Variants in TBCA observed in about 807,000 individuals in gnomAD.
TBCA encodes the protein tubulin-specific chaperone A.
Under a neutral mutation model 15.8 loss-of-function variants are expected in TBCA, and 6 were observed. The ratio of observed to expected loss-of-function variants is 0.38; its 90% CI spans 0.21 to 0.75. The LOEUF (loss-of-function observed/expected upper bound fraction) is 0.75, where lower values mean the gene tolerates loss of function less well. TBCA is among the 30% of genes least tolerant of loss of function. TBCA has a pLI of 0.46. For missense variants in TBCA, 90 were observed against 131.2 expected, an observed-to-expected ratio of 0.69 and a Z score of 1.53; for synonymous variants, 32 against 42.3, an observed-to-expected ratio of 0.76 and a Z score of 0.94.
At chr5:77,763,113 G>A (rs1381767383) in intron 1 of TBCA, among the ~76,000 whole-genome samples, 2 of 152,170 alleles carry the variant, frequency 1.3e-5, no homozygotes, top group African/African-American at 4.8e-5. Flanking sequence ...GCGTGATGGC[G>A]GGCGCCTGTA....
At position 77,719,792 on chromosome 5, in the gene TBCA, TGTCCCTTAAAAG is replaced by T. The variant is rs1746487285; in HGVS notation, c.54-11457_54-11446del. Reference sequence around the variant, plus strand: ...TCATTATTTCACGAATCCTCTAACCTGTCCCTTAAAAGGTCCCTCAAAGGTCCTGAGATGTCA... The same window carrying T: ...TCATTATTTCACGAATCCTCTAACCTGTCCCTCAAAGGTCCTGAGATGTCA... On this transcript the variant is annotated intron_variant, in intron 1 of 3. Transcript: ENST00000380377. Among the ~76,000 whole-genome samples, 3 of 152,282 alleles carry T rather than the reference TGTCCCTTAAAAG, an allele frequency of 2.0e-5. No homozygotes were observed. In the South Asian group the frequency reaches 6.2e-4, roughly 32 times the overall value.
At chr5:77,755,621 A>G (rs1257630358) in intron 1 of TBCA, among the ~76,000 whole-genome samples, 1 of 152,136 alleles carries the variant, frequency 6.6e-6, no homozygotes, top group African/African-American at 2.4e-5. Flanking sequence ...AATGTGCACA[A>G]GAACAGACCT....
At chr5:77,733,102 G>A (rs183678834) in intron 1 of TBCA, among the ~76,000 whole-genome samples, 82 of 152,280 alleles carry the variant, frequency 5.4e-4, no homozygotes, top group African/African-American at 1.8e-3. Flanking sequence ...CCAACATGGC[G>A]AAACCCCGTC....
intron 2 of TBCA, 68 bp downstream of exon 2, chr5:77,708,174 T>C: frequency 9.1e-7 from 1 of 1,101,758 alleles, no homozygotes; most frequent in Non-Finnish European, 1.3e-6. Flanking sequence ...AGGACTACTG[T>C]AAAAACTACA....
At chr5:77,730,777 G>T (rs17787496) in intron 1 of TBCA, among the ~76,000 whole-genome samples, 2,288 of 152,048 alleles carry the variant, frequency 0.015, 18 homozygotes, top group Non-Finnish European at 0.024. Context: ...CAAGCAGTGG[G>T]CAACTAACAA....
chr5:77,732,099 G>T (rs924135245), intron 1 of TBCA, among the ~76,000 whole-genome samples: 10 of 152,100 alleles, frequency 6.6e-5, no homozygotes, highest in African/African-American at 2.4e-4. Context: ...GGGTATGTTT[G>T]ATGTCATTAT....
At chr5:77,763,597 G>C (rs1242214501) in intron 1 of TBCA, among the ~76,000 whole-genome samples, 1 of 152,124 alleles carries the variant, frequency 6.6e-6, no homozygotes, top group Non-Finnish European at 1.5e-5. Flanking sequence ...TCATGAATGA[G>C]ATTAGTGCCC....
At chr5:77,743,883 A>T (rs1747107462) in intron 1 of TBCA, among the ~76,000 whole-genome samples, 1 of 152,194 alleles carries the variant, frequency 6.6e-6, no homozygotes, top group Non-Finnish European at 1.5e-5. Context: ...GGTAAATAAG[A>T]CAGATGTGGT....
At chr5:77,728,885 G>C (rs1171202132) in intron 1 of TBCA, among the ~76,000 whole-genome samples, 3 of 151,990 alleles carry the variant, frequency 2.0e-5, no homozygotes, top group African/African-American at 7.3e-5. Flanking sequence ...TTGTAGCCAA[G>C]TTTCTAGTTC....
chr5:77,773,172 G>A (rs1561287876), intron 1 of TBCA, among the ~76,000 whole-genome samples: 2 of 152,146 alleles, frequency 1.3e-5, no homozygotes, highest in Non-Finnish European at 2.9e-5. Context: ...CTGAGGGACA[G>A]GATGGATTAT....
intron 1 of TBCA, among the ~76,000 whole-genome samples, chr5:77,771,809 A>C (rs561868569): frequency 6.6e-6 from 1 of 152,224 alleles, no homozygotes; most frequent in Non-Finnish European, 1.5e-5. Flanking sequence ...CACCAGGTCT[A>C]ATCAGAAACT....
intron 1 of TBCA, among the ~76,000 whole-genome samples, chr5:77,723,495 G>A (rs1325590287): frequency 1.3e-5 from 2 of 151,862 alleles, no homozygotes; most frequent in African/African-American, 4.8e-5. Context: ...TTTTATTATG[G>A]TAGAACAGAC....
intron 1 of TBCA, among the ~76,000 whole-genome samples, chr5:77,739,116 T>C (rs1263903383): frequency 6.6e-6 from 1 of 152,214 alleles, no homozygotes; most frequent in Non-Finnish European, 1.5e-5. Flanking sequence ...TAGTGTAGTG[T>C]GTCATGATGC....
chr5:77,724,491 C>T (rs746439627), intron 1 of TBCA, among the ~76,000 whole-genome samples: 2 of 152,010 alleles, frequency 1.3e-5, no homozygotes, highest in Non-Finnish European at 1.5e-5. Flanking sequence ...ACTTAAAAAA[C>T]AACATGTCAG....
chr5:77,753,526 AT>A (rs1274105875), intron 1 of TBCA, among the ~76,000 whole-genome samples: 1 of 152,240 alleles, frequency 6.6e-6, no homozygotes, highest in African/African-American at 2.4e-5. Context: ...CCAGGCCTTC[AT>A]AAAAGAGAGA....
chr5:77,760,704 G>A (rs1196193086), intron 1 of TBCA, among the ~76,000 whole-genome samples: 1 of 152,194 alleles, frequency 6.6e-6, no homozygotes, highest in Non-Finnish European at 1.5e-5. Flanking sequence ...ATTGCAGACG[G>A]AGTCTCGCTC....
intron 1 of TBCA, among the ~76,000 whole-genome samples, chr5:77,711,821 A>G (rs1184491072): frequency 6.6e-6 from 1 of 152,216 alleles, no homozygotes; most frequent in Non-Finnish European, 1.5e-5. Context: ...TTACTTAACT[A>G]CCTATCACAT....
intron 1 of TBCA, among the ~76,000 whole-genome samples, chr5:77,739,793 A>G (rs1022392616): frequency 6.6e-6 from 1 of 152,216 alleles, no homozygotes; most frequent in African/African-American, 2.4e-5. Flanking sequence ...CAAACAAACA[A>G]AAAAGACACT....
chr5:77,733,466 G>T (rs1309467713), intron 1 of TBCA, among the ~76,000 whole-genome samples: 1 of 152,182 alleles, frequency 6.6e-6, no homozygotes, highest in Admixed American at 6.5e-5. Flanking sequence ...AAGCAAAACA[G>T]CCTTCTTGCT....
Sources: allele counts gnomAD v4.1 joint callset (sites outside exome capture counted in the v4.1 genomes callset), GRCh38; gene constraint gnomAD v4.1.1; transcripts MANE v1.5; gene names NCBI Gene and HGNC (gene_info 2026-07-23, HGNC 2026-07-21).